USP29: variants seen among roughly 807,000 people sequenced by gnomAD.
The protein encoded by USP29 is ubiquitin specific peptidase 29, also known as ubiquitin carboxyl-terminal hydrolase 29.
For synonymous variants in USP29, 386 were observed against 387.4 expected, an observed-to-expected ratio of 1.00 and a Z score of 0.04; for missense variants, 1,102 against 1,069.0, an observed-to-expected ratio of 1.03 and a Z score of -0.43.
rs1261919903 is a variant in USP29 at position 57,124,074 on chromosome 19, T to C, written c.-82T>C. 2 of 152,206 alleles carry C rather than the reference T, an allele frequency of 1.3e-5. No individual in the cohort carries two copies. Among genetic ancestry groups the C allele is most frequent in the African/African-American group, 4.8e-5 (2 of 41,442 alleles). The allele number at this position is 152,206 out of a possible 1,614,324, so 9.4% of individuals were successfully genotyped here. On this transcript the variant is annotated 5_prime_UTR_variant, in exon 3 of 4. Coordinates refer to ENST00000254181, the MANE Select transcript of USP29 (RefSeq NM_020903.3). ...GGCAGTCAGAGCTCTGCCTGCAGTGTGACCATGGACAGCTCTCCAAAGCTT... is the reference window on the plus strand; with the variant it reads ...GGCAGTCAGAGCTCTGCCTGCAGTGCGACCATGGACAGCTCTCCAAAGCTT...
intron 3 of USP29, among the ~76,000 whole-genome samples, chr19:57,125,893 G>A (rs1026322813): frequency 2.0e-5 from 3 of 152,128 alleles, no homozygotes; most frequent in African/African-American, 7.2e-5. Flanking sequence ...TTTTGCAGTG[G>A]CTGGTACCGG....
Position 57,130,883 on chromosome 19 carries a change from G to T in USP29, c.2208G>T (p.Gln736His). The change falls in exon 4 of 4, where the codon CAG (glutamine) becomes CAT (histidine). Residue 736 changes from glutamine (Q) to histidine (H), a missense_variant. Physicochemically the swap from Gln to His is conservative, Grantham distance 24. Transcript: ENST00000254181. ...GSQGMAEQLQ[Q>H]CIEESIIDEF... is the part of the protein sequence containing the mutation. The stretch of plus-strand genomic sequence containing the variant: ...AAGGAATGGCTGAACAGCTCCAGCA[G>T]TGTATTGAGGAGAGCATCATAGATG... 6.2e-7 allele frequency: 1 copy of T among 1,614,212 alleles called. No homozygotes were observed. The highest frequency in any genetic ancestry group is 8.5e-7 in the Non-Finnish European group (1 of 1,180,048).
chr19:57,124,467 GT>G (rs34399911), intron 3 of USP29, among the ~76,000 whole-genome samples: 4,728 of 145,512 alleles, frequency 0.032, 250 homozygotes, highest in African/African-American at 0.11. Flanking sequence ...TTTTTGTGGG[GT>G]TTTTTTTTTG....
intron 1 of USP29, among the ~76,000 whole-genome samples, chr19:57,120,800 A>AAAAAAAAAAAAAAC: frequency 2.0e-5 from 3 of 146,636 alleles, no homozygotes; most frequent in Non-Finnish European, 4.5e-5. Flanking sequence ...AAAAAAAAAA[A>AAAAAAAAAAAAAAC]AAAAAAAAAA....
intron 3 of USP29, among the ~76,000 whole-genome samples, chr19:57,125,456 G>T (rs1002593583): frequency 2.6e-5 from 4 of 151,898 alleles, no homozygotes; most frequent in Non-Finnish European, 5.9e-5. Flanking sequence ...TCCTGTATTG[G>T]GTGCATATAT....
Position 57,131,710 on chromosome 19 carries a change from C to A in USP29, c.*266C>A. The A allele has an allele frequency of 2.2e-6, 1 of 452,888 alleles. No individual in the cohort carries two copies. The highest frequency in any genetic ancestry group is 4.1e-5 in the Admixed American group (1 of 24,268). 28.1% of individuals were successfully genotyped at this position (452,888 alleles called of 1,614,324 possible). A position where few individuals can be genotyped will look rare whatever the true frequency, so the allele number is the denominator to read the frequency against. On this transcript the variant is annotated 3_prime_UTR_variant, in exon 4 of 4. Coordinates refer to ENST00000254181, the MANE Select transcript of USP29 (RefSeq NM_020903.3). ...TGGTTTTCAAAATGTTGTTCTTCAA[C>A]CAGCAACAGCAACAGCTAGGGACTG...
chr19:57,129,332 T>C lies in USP29; in HGVS notation c.657T>C (p.Asp219=). The change falls in exon 4 of 4, where the codon GAT becomes GAC. Residue 219 remains aspartate (D), a synonymous_variant. Coordinates refer to ENST00000254181, the MANE Select transcript of USP29 (RefSeq NM_020903.3). ...CAAGTTTAGAGGATTTAGAAAAAGA[T>C]AGAGATTTGAAACTCGGGCCTTCAT... ...NPSSLEDLEK[D]RDLKLGPSFN... is the part of the protein sequence containing the mutation. 1.2e-6 allele frequency: 2 copies of C among 1,614,180 alleles called. No individual in the cohort carries two copies. The highest frequency in any genetic ancestry group is 1.7e-6 in the Non-Finnish European group (2 of 1,180,026).
In USP29 at chr19:57,130,777, T is replaced by C; in HGVS notation, c.2102T>C (p.Val701Ala). 1 of 1,614,152 alleles carries C rather than the reference T, an allele frequency of 6.2e-7. No individual in the cohort carries two copies. The highest frequency in any genetic ancestry group is 8.5e-7 in the Non-Finnish European group (1 of 1,180,038). The change falls in exon 4 of 4, where the codon GTA becomes GCA. Residue 701 changes from valine to alanine, a missense_variant. Coordinates refer to ENST00000254181, the MANE Select transcript of USP29 (RefSeq NM_020903.3). ...LQKYEKTNTFVEFNFDSVTES... is the reference protein window; with the variant it reads ...LQKYEKTNTFAEFNFDSVTES... The stretch of plus-strand genomic sequence containing the variant: ...AAGTATGAGAAAACCAATACATTCG[T>C]AGAGTTCAATTTTGACAGTGTCACT...
rs768274860 is a variant in USP29 at position 57,129,811 on chromosome 19, A to G, written c.1136A>G (p.Gln379Arg). ...AATGATGCTCATGAGTTTTTAGGTC[A>G]GTGTTTAGACCAGCTGAAAGAAGAC... ...MQNDAHEFLG[Q>R]CLDQLKEDME... Residue 379 changes from glutamine to arginine, a missense_variant, in exon 4 of 4, where the codon CAG becomes CGG. Transcript: ENST00000254181. The G allele has an allele frequency of 8.1e-6, 13 of 1,614,090 alleles. No individual in the cohort carries two copies. The highest frequency in any genetic ancestry group is 1.1e-5 in the Non-Finnish European group (13 of 1,180,056).
rs562830906 is a variant in USP29, at chr19:57,130,832, A to G, written c.2157A>G (p.Lys719=). 5 of 1,614,078 alleles carry G rather than the reference A, an allele frequency of 3.1e-6. No homozygotes were observed. The African/African-American group carries it at 6.7e-5, about 22-fold the overall frequency. The change falls in exon 4 of 4, where the codon AAA becomes AAG. Residue 719 remains lysine, a synonymous_variant. Transcript: ENST00000254181. The stretch of plus-strand genomic sequence containing the variant: ...CCACCAATGGCTTTTATGACTGTAA[A>G]GAAAACAGGATTCCAGAAGGATCTC... ...TESTNGFYDC[K]ENRIPEGSQG...
Position 57,130,857 on chromosome 19 carries a change from C to G in USP29, c.2182C>G (p.Gln728Glu). The G allele has an allele frequency of 6.2e-7, 1 of 1,614,168 alleles. No homozygotes were observed. Among genetic ancestry groups the G allele is most frequent in the Non-Finnish European group, 8.5e-7 (1 of 1,180,042 alleles). Residue 728 changes from glutamine to glutamate, a missense_variant, in exon 4 of 4, where the codon CAA (glutamine) becomes GAA (glutamate). Coordinates refer to ENST00000254181, the MANE Select transcript of USP29 (RefSeq NM_020903.3). ...CKENRIPEGS[Q>E]GMAEQLQQCI... is the part of the protein sequence containing the mutation. ...AGAAAACAGGATTCCAGAAGGATCTCAAGGAATGGCTGAACAGCTCCAGCA... is the reference window on the plus strand; with the variant it reads ...AGAAAACAGGATTCCAGAAGGATCTGAAGGAATGGCTGAACAGCTCCAGCA...
In USP29 at chr19:57,124,342, GT is replaced by G. The variant is rs113001620; in HGVS notation, c.-17+216del. 7.4e-3 allele frequency among the ~76,000 whole-genome samples: 1,041 copies of G among 139,774 alleles called. 14 individuals carry two copies. The highest frequency in any genetic ancestry group is 0.019 in the African/African-American group (716 of 38,236). The allele number at this position is 139,774 out of a possible 152,430, so 91.7% of individuals were successfully genotyped here. On this transcript the variant is annotated intron_variant, in intron 3 of 3. Transcript: ENST00000254181. ...TGTTTTGAGATGTCTTTCCCTTCATGTTTTTTTTTTTTTCACTCTTCATATT... is the reference window on the plus strand; with the variant it reads ...TGTTTTGAGATGTCTTTCCCTTCATGTTTTTTTTTTTTCACTCTTCATATT...
intron 1 of USP29, among the ~76,000 whole-genome samples, chr19:57,121,203 G>A (rs2086793798): frequency 6.6e-6 from 1 of 150,406 alleles, no homozygotes; most frequent in African/African-American, 2.4e-5. Context: ...AACGTAAAAT[G>A]ATCTTTTTGA....
At chr19:57,124,770 A>G (rs2146951256) in intron 3 of USP29, among the ~76,000 whole-genome samples, 3 of 152,112 alleles carry the variant, frequency 2.0e-5, no homozygotes, top group Middle Eastern at 6.8e-3. Flanking sequence ...CAGCCTCCCA[A>G]AGTGCTGGGA....
chr19:57,126,251 C>T (rs2086823806), intron 3 of USP29, among the ~76,000 whole-genome samples: 2 of 152,048 alleles, frequency 1.3e-5, no homozygotes, highest in African/African-American at 4.8e-5. Context: ...TTGCTCTTCT[C>T]GAGGAATATC....
intron 3 of USP29, among the ~76,000 whole-genome samples, chr19:57,126,399 A>T (rs2086824657): frequency 6.6e-6 from 1 of 152,054 alleles, no homozygotes; most frequent in African/African-American, 2.4e-5. Flanking sequence ...TATACCAATC[A>T]ATCGTAGGTT....
chr19:57,121,578 T>C lies in USP29; in HGVS notation c.-267-747T>C, dbSNP rs898863873. 2.0e-5 allele frequency among the ~76,000 whole-genome samples: 3 copies of C among 146,576 alleles called. No individual in the cohort carries two copies. The South Asian group carries it at 6.3e-4, about 31-fold the overall frequency. On this transcript the variant is annotated intron_variant, in intron 1 of 3. Transcript: ENST00000254181. The stretch of plus-strand genomic sequence containing the variant: ...CTTATATATGTTATATATATACTTA[T>C]ATGTATGTTATATATACTTATATAT...
rs141050797 is a variant in USP29, at chr19:57,130,458, G to A, written c.1783G>A (p.Val595Ile). Residue 595 changes from valine to isoleucine, a missense_variant, in exon 4 of 4, where the codon GTT becomes ATT. Val to Ile is a conservative substitution (Grantham distance 29). Coordinates refer to ENST00000254181, the MANE Select transcript of USP29 (RefSeq NM_020903.3). Reference sequence around the variant, plus strand: ...ATCCAGTGATTCCCTGGTTCTACCCGTTGAACCAGACAAGAATGCCGACCT... The same window carrying A: ...ATCCAGTGATTCCCTGGTTCTACCCATTGAACCAGACAAGAATGCCGACCT... Reference protein sequence around the residue: ...SESSDSLVLPVEPDKNADLQR... With the variant: ...SESSDSLVLPIEPDKNADLQR... The A allele has an allele frequency of 4.5e-5, 73 of 1,614,124 alleles. No homozygotes were observed. The highest frequency in any genetic ancestry group is 2.0e-4 in the African/African-American group (15 of 75,024).
chr19:57,124,496 T>TTTTTTG (rs927172241), intron 3 of USP29, among the ~76,000 whole-genome samples: 4 of 151,054 alleles, frequency 2.6e-5, no homozygotes, highest in Non-Finnish European at 2.9e-5. Context: ...TTTTTGTTTT[T>TTTTTTG]TTTTTGTTTT....
Sources: gnomAD v4.1 joint callset for allele counts (sites outside exome capture counted in the v4.1 genomes callset) on GRCh38, gnomAD v4.1.1 for gene constraint, MANE v1.5 for transcripts, NCBI Gene and HGNC (gene_info 2026-07-23, HGNC 2026-07-21) for gene names.